Variants in DNAH12 observed in about 807,000 individuals in gnomAD.
DNAH12 encodes dynein axonemal heavy chain 12.
A neutral mutation model predicts 371.5 loss-of-function variants in DNAH12; 285 were observed. The ratio of observed to expected loss-of-function variants is 0.77; its 90% CI spans 0.70 to 0.85. DNAH12 has a LOEUF of 0.85. DNAH12 is among the 40% of genes least tolerant of loss of function. The pLI is 0.00. For missense variants in DNAH12, 3,611 were observed against 3,689.4 expected (o/e 0.98, Z 0.55); for synonymous variants, 1,200 against 1,213.0 (o/e 0.99, Z 0.22).
chr3:57,481,441 A>G (rs2066738786), intron 13 of DNAH12, among the ~76,000 whole-genome samples: 1 of 152,120 alleles, frequency 6.6e-6, no homozygotes. Context: ...AAATGGAAGA[A>G]CATTCCATGC....
intron 39 of DNAH12, among the ~76,000 whole-genome samples, 166 bp downstream of exon 39, chr3:57,413,575 CTTAAT>C (rs2064271534): frequency 1.3e-5 from 2 of 152,064 alleles, no homozygotes; most frequent in Admixed American, 6.6e-5. Context: ...GTACCTTCCT[CTTAAT>C]TTAAAATAGT....
At chr3:57,311,223 G>C (rs1250550353) in intron 66 of DNAH12, among the ~76,000 whole-genome samples, 1 of 152,062 alleles carries the variant, frequency 6.6e-6, no homozygotes, top group African/African-American at 2.4e-5. Context: ...TTACAGGAGT[G>C]TGCCACCACG....
chr3:57,500,050 T>A (rs2067482162), intron 11 of DNAH12, among the ~76,000 whole-genome samples: 1 of 151,746 alleles, frequency 6.6e-6, no homozygotes, highest in Non-Finnish European at 1.5e-5. Flanking sequence ...ATTACCTTTT[T>A]TTTTTTTTGA....
chr3:57,522,368 C>G (rs1304875828), intron 4 of DNAH12, among the ~76,000 whole-genome samples: 8 of 152,096 alleles, frequency 5.3e-5, no homozygotes, highest in Non-Finnish European at 8.8e-5. Context: ...TGACTGTATG[C>G]CTGGCTAGGA....
chr3:57,404,673 T>C (rs1553680398), intron 42 of DNAH12, among the ~76,000 whole-genome samples: 5 of 152,090 alleles, frequency 3.3e-5, no homozygotes, highest in Non-Finnish European at 7.4e-5. Context: ...CGAGCTGAGA[T>C]AGTGCCATTG....
At chr3:57,477,315 CCTCA>C (rs2066567582) in intron 13 of DNAH12, among the ~76,000 whole-genome samples, 1 of 152,124 alleles carries the variant, frequency 6.6e-6, no homozygotes, top group Admixed American at 6.5e-5. Flanking sequence ...ACCCACGGAG[CCTCA>C]CTCATTGCTA....
intron 2 of DNAH12, among the ~76,000 whole-genome samples, chr3:57,539,895 A>G (rs888277509): frequency 3.3e-5 from 5 of 149,262 alleles, no homozygotes; most frequent in African/African-American, 1.2e-4. Context: ...GGATTACAGG[A>G]GTGAGCCACC....
At chr3:57,477,946 A>C (rs1184553438) in intron 13 of DNAH12, among the ~76,000 whole-genome samples, 126 of 152,304 alleles carry the variant, frequency 8.3e-4, no homozygotes, top group Non-Finnish European at 4.4e-5. Context: ...TCAAAGACCA[A>C]AGGTAGATAA....
At chr3:57,342,306 A>T (rs79425511) in intron 60 of DNAH12, among the ~76,000 whole-genome samples, 2 of 151,976 alleles carry the variant, frequency 1.3e-5, no homozygotes, top group East Asian at 3.9e-4. Flanking sequence ...ACACCAAAAG[A>T]CACAACACAA....
intron 12 of DNAH12, among the ~76,000 whole-genome samples, chr3:57,484,308 C>G (rs1053875901): frequency 6.6e-6 from 1 of 152,100 alleles, no homozygotes; most frequent in African/African-American, 2.4e-5. Flanking sequence ...ATTAACAGTT[C>G]TCTTAGAATA....
chr3:57,425,287 A>C, intron 34 of DNAH12, 146 bp from the exon 35 acceptor site: 1 of 576,326 alleles, frequency 1.7e-6, no homozygotes, highest in Non-Finnish European at 3.1e-6. Flanking sequence ...TCACTCTGTC[A>C]TCCAGGCTGG....
In DNAH12 at chr3:57,504,095, T is replaced by C. The variant is rs761546051; in HGVS notation, c.1007A>G (p.Lys336Arg). 6.8e-6 allele frequency: 11 copies of C among 1,613,960 alleles called. No individual in the cohort carries two copies. The part of the protein sequence containing the change: ...FKIELTFDDD[K>R]MEFYPTFQDL... Reference sequence around the variant, plus strand: ...TTGAAAGGTAGGATAAAATTCCATTTTGTCGTCATCAAATGTCAATTCTAT... The same window carrying C: ...TTGAAAGGTAGGATAAAATTCCATTCTGTCGTCATCAAATGTCAATTCTAT... The change falls in exon 9 of 74, where the codon AAA becomes AGA. Residue 336 changes from lysine to arginine, a missense_variant. Around this residue, in one of 3 missense-constraint regions of DNAH12, gnomAD observed 1,314 missense variants for 1,398.7 expected, o/e 0.94. Transcript: ENST00000495027.
chr3:57,418,506 G>A (rs533069672), intron 37 of DNAH12, among the ~76,000 whole-genome samples: 3 of 148,674 alleles, frequency 2.0e-5, no homozygotes, highest in Non-Finnish European at 3.0e-5. Context: ...CACCACTGTA[G>A]TCCAGCCTGG....
At chr3:57,332,262 G>T (rs2062116720) in intron 62 of DNAH12, among the ~76,000 whole-genome samples, 2 of 152,036 alleles carry the variant, frequency 1.3e-5, no homozygotes, top group Admixed American at 1.3e-4. Flanking sequence ...TGTGAAAATT[G>T]GTGTCAGCCT....
intron 13 of DNAH12, among the ~76,000 whole-genome samples, chr3:57,478,728 G>A (rs1451388234): frequency 6.6e-6 from 1 of 152,158 alleles, no homozygotes; most frequent in Non-Finnish European, 1.5e-5. Context: ...CTGAGCTCTT[G>A]GCAGAAACTC....
intron 42 of DNAH12, among the ~76,000 whole-genome samples, chr3:57,404,614 GGA>G (rs1430298822): frequency 1.3e-5 from 2 of 152,128 alleles, no homozygotes; most frequent in Non-Finnish European, 2.9e-5. Context: ...CAGCTACCTG[GGA>G]GGCTGAGGCA....
At chr3:57,498,603 TA>T (rs2067397846) in intron 11 of DNAH12, 2 of 713,100 alleles carry the variant, frequency 2.8e-6, no homozygotes, top group African/African-American at 3.5e-5. Context: ...ATAGTAACTT[TA>T]TTCATAATAG....
Position 57,360,756 on chromosome 3 carries a change from G to A in DNAH12, c.9360+2838C>T, listed in dbSNP as rs1053717109. The stretch of plus-strand genomic sequence containing the variant: ...GGTGCATTGTGGGGTGGGGAGCAGT[G>A]CAGAGATGATGAGTAATTAGTGCAA... On this transcript the variant is annotated intron_variant, in intron 58 of 73. Coordinates refer to ENST00000495027, the MANE Select transcript of DNAH12 (RefSeq NM_001366028.2). Among the ~76,000 whole-genome samples the A allele has an allele frequency of 3.1e-4, 47 of 152,290 alleles. 1 individual carries two copies. The highest frequency in any genetic ancestry group is 9.6e-4 in the African/African-American group (40 of 41,568).
chr3:57,491,442 C>T (rs1167566238), intron 11 of DNAH12, among the ~76,000 whole-genome samples: 1 of 152,146 alleles, frequency 6.6e-6, no homozygotes, highest in African/African-American at 2.4e-5. Context: ...TCGGTCTATA[C>T]ATATGTACTA....
Sources: gnomAD v4.1 joint callset for allele counts (sites outside exome capture counted in the v4.1 genomes callset) on GRCh38, gnomAD v4.1.1 for gene constraint, gnomAD v4.1.1 regional missense constraint, MANE v1.5 for transcripts, NCBI Gene and HGNC (gene_info 2026-07-23, HGNC 2026-07-21) for gene names.